The following B3GNT8 variants were observed in gnomAD, a reference collection of about 807,000 sequenced individuals.
The protein encoded by B3GNT8 is N-acetyllactosaminide beta-1,3-N-acetylglucosaminyltransferase 8.
For missense variants in B3GNT8, 502 were observed against 530.5 expected (o/e 0.95, Z 0.53); for synonymous variants, 258 against 238.3 (o/e 1.08, Z -0.76).
chr19:41,426,629 A>AGGGTTGGCTGGCGTGGGGCTTGGCGGG lies in B3GNT8; in HGVS notation c.123_149dup (p.Pro42_Pro50dup). 1 of 1,613,056 alleles carries AGGGTTGGCTGGCGTGGGGCTTGGCGGG rather than the reference A, an allele frequency of 6.2e-7. No homozygotes were observed. Among genetic ancestry groups the AGGGTTGGCTGGCGTGGGGCTTGGCGGG allele is most frequent in the Non-Finnish European group, 8.5e-7 (1 of 1,179,600 alleles). On this transcript the variant is annotated inframe_insertion, in exon 2 of 2. Transcript: ENST00000691102. The surrounding 1 kb of genome is among the most constrained non-coding windows in gnomAD (Gnocchi z 4.9). ...AGAGGTTGGCAGGTAGGGTGGGCTC[A>AGGGTTGGCTGGCGTGGGGCTTGGCGGG]GGGTTGGCTGGCGTGGGGCTTGGCG...
Position 41,426,225 on chromosome 19 carries a change from C to T in B3GNT8, c.554G>A (p.Gly185Glu), listed in dbSNP as rs149373630. ...AGGCCCCGCCTCACCCACCGGAGAC[C>T]CTAGCAGGAAGAGCAGCCGGATCCC... ...APGIRLLFLL[G>E]SPVGEAGPDL... The change falls in exon 2 of 2, where the codon GGG becomes GAG. Residue 185 changes from glycine to glutamate, a missense_variant. Physicochemically the swap from Gly to Glu is moderately conservative, Grantham distance 98. Coordinates refer to ENST00000691102, the MANE Select transcript of B3GNT8 (RefSeq NM_001385648.2). The surrounding 1 kb of genome is among the most constrained non-coding windows in gnomAD (Gnocchi z 4.9). 350 of 1,613,524 alleles carry T rather than the reference C, an allele frequency of 2.2e-4. No individual in the cohort carries two copies. Among genetic ancestry groups the T allele is most frequent in the Non-Finnish European group, 2.8e-4 (330 of 1,179,950 alleles).
chr19:41,425,985 G>A lies in B3GNT8; in HGVS notation c.794C>T (p.Pro265Leu). The A allele has an allele frequency of 6.2e-7, 1 of 1,612,310 alleles. No individual in the cohort carries two copies. Among genetic ancestry groups the A allele is most frequent in the Non-Finnish European group, 8.5e-7 (1 of 1,179,042 alleles). ...ALLAHLRALP[P>L]ASARSLYLGE... is the part of the protein sequence containing the mutation. ...CAGGTAGAGGCTTCGGGCCGAGGCAGGTGGCAGGGCCCGCAGGTGAGCCAG... is the reference window on the plus strand; with the variant it reads ...CAGGTAGAGGCTTCGGGCCGAGGCAAGTGGCAGGGCCCGCAGGTGAGCCAG... The change falls in exon 2 of 2, where the codon CCT becomes CTT. Residue 265 changes from proline (P) to leucine (L), a missense_variant. Coordinates refer to ENST00000691102, the MANE Select transcript of B3GNT8 (RefSeq NM_001385648.2).
At position 41,426,083 on chromosome 19, in the gene B3GNT8, C is replaced by T. The variant is rs765091345; in HGVS notation, c.696G>A (p.Leu232=). 6.2e-7 allele frequency: 1 copy of T among 1,613,586 alleles called. No individual in the cohort carries two copies. Among genetic ancestry groups the T allele is most frequent in the South Asian group, 1.1e-5 (1 of 91,088 alleles). The change falls in exon 2 of 2, where the codon CTG becomes CTA. Residue 232 remains leucine, a synonymous_variant. Transcript: ENST00000691102. This position sits in a 1 kb window ranked among gnomAD's most constrained non-coding sequence, Gnocchi z 4.9. ...TLKDLLLLAW[L]GRHCPTVSFV... is the part of the protein sequence containing the mutation. ...AACTCACGGTGGGGCAGTGGCGGCC[C>T]AGCCAGGCCAGCAGCAGCAGGTCTT...
In B3GNT8 at chr19:41,426,519, TC is replaced by T; in HGVS notation, c.259del (p.Asp87ThrfsTer81). On this transcript the variant is annotated frameshift_variant, in exon 2 of 2. Transcript: ENST00000691102. LOFTEE classifies it low-confidence loss of function (END_TRUNC). The surrounding 1 kb of genome is among the most constrained non-coding windows in gnomAD (Gnocchi z 4.9). ...QWRLGSLPSG[D>X]STETGGCQAW... The stretch of plus-strand genomic sequence containing the variant: ...CTGGCAGCCCCCCGTTTCAGTGCTG[TC>T]CCCACTGGGCAGGGACCCCAGCCGC... The T allele has an allele frequency of 6.3e-7, 1 of 1,590,034 alleles. No individual in the cohort carries two copies. The highest frequency in any genetic ancestry group is 8.6e-7 in the Non-Finnish European group (1 of 1,168,498).
Position 41,426,798 on chromosome 19 carries a change from G to A in B3GNT8, c.-20C>T, listed in dbSNP as rs1327340074. 3 of 1,606,644 alleles carry A rather than the reference G, an allele frequency of 1.9e-6. No individual in the cohort carries two copies. The highest frequency in any genetic ancestry group is 2.5e-6 in the Non-Finnish European group (3 of 1,179,110). Reference sequence around the variant, plus strand: ...GCGCATGACCCGGCCCAGGGAAGGGGCGGCCGCGGGAGCTACAAGGGAGCC... The same window carrying A: ...GCGCATGACCCGGCCCAGGGAAGGGACGGCCGCGGGAGCTACAAGGGAGCC... On this transcript the variant is annotated 5_prime_UTR_variant, in exon 2 of 2. Transcript: ENST00000691102. This position sits in a 1 kb window ranked among gnomAD's most constrained non-coding sequence, Gnocchi z 4.9.
Position 41,426,583 on chromosome 19 carries a change from T to C in B3GNT8, c.196A>G (p.Ile66Val), listed in dbSNP as rs2122159001. ...ANLSTRLGQT[I>V]PLPFAYWNQQ... ...TTCCAGTAAGCAAAGGGCAGCGGGA[T>C]AGTCTGGCCCAGGCGGGTGGAGAGG... Residue 66 changes from isoleucine to valine, a missense_variant, in exon 2 of 2, where the codon ATC (isoleucine) becomes GTC (valine). Ile to Val is a conservative substitution (Grantham distance 29). Coordinates refer to ENST00000691102, the MANE Select transcript of B3GNT8 (RefSeq NM_001385648.2). The surrounding 1 kb of genome is among the most constrained non-coding windows in gnomAD (Gnocchi z 4.9). The C allele has an allele frequency of 6.2e-7, 1 of 1,608,472 alleles. No individual in the cohort carries two copies. Among genetic ancestry groups the C allele is most frequent in the Non-Finnish European group, 8.5e-7 (1 of 1,177,422 alleles).
chr19:41,425,360 C>CA lies in B3GNT8; in HGVS notation c.*224dup. 1 of 347,126 alleles carries CA rather than the reference C, an allele frequency of 2.9e-6. No homozygotes were observed. Among genetic ancestry groups the CA allele is most frequent in the Non-Finnish European group, 5.2e-6 (1 of 192,552 alleles). 21.5% of individuals were successfully genotyped at this position (347,126 alleles called of 1,614,324 possible). ...CAGATGCAAAAACAACCCCAGGCCT[C>CA]AGAGTGGGGAGTGCATGTTTTTCAA... On this transcript the variant is annotated 3_prime_UTR_variant, in exon 2 of 2. Coordinates refer to ENST00000691102, the MANE Select transcript of B3GNT8 (RefSeq NM_001385648.2).
chr19:41,426,535 A>G lies in B3GNT8; in HGVS notation c.244T>C (p.Ser82Pro), dbSNP rs751511011. The G allele has an allele frequency of 6.3e-7, 1 of 1,576,656 alleles. No individual in the cohort carries two copies. Among genetic ancestry groups the G allele is most frequent in the Non-Finnish European group, 8.6e-7 (1 of 1,162,414 alleles). Residue 82 changes from serine to proline, a missense_variant, in exon 2 of 2, where the codon TCC (serine) becomes CCC (proline). By Grantham distance (74) the Ser-to-Pro change is moderately conservative. Transcript: ENST00000691102. The surrounding 1 kb of genome is among the most constrained non-coding windows in gnomAD (Gnocchi z 4.9). ...YWNQQQWRLGSLPSGDSTETG... is the reference protein window; with the variant it reads ...YWNQQQWRLGPLPSGDSTETG... ...TCAGTGCTGTCCCCACTGGGCAGGG[A>G]CCCCAGCCGCCACTGCTGCTGGTTC...
In B3GNT8 at chr19:41,425,656, C is replaced by T. The variant is rs1357017385; in HGVS notation, c.1123G>A (p.Val375Ile). ...DHCAFRNLLL[V>I]RPLGPQASIR... ...CTGGCCTGGGGGCCCAGGGGCCGTA[C>T]CAGCAGCAGGTTGCGGAAAGCACAG... Residue 375 changes from valine to isoleucine, a missense_variant, in exon 2 of 2, where the codon GTA (valine) becomes ATA (isoleucine). Coordinates refer to ENST00000691102, the MANE Select transcript of B3GNT8 (RefSeq NM_001385648.2). 2 of 1,521,994 alleles carry T rather than the reference C, an allele frequency of 1.3e-6. No homozygotes were observed. Among genetic ancestry groups the T allele is most frequent in the East Asian group, 2.3e-5 (1 of 44,018 alleles). The allele number at this position is 1,521,994 out of a possible 1,614,324, so 94.3% of individuals were successfully genotyped here. A position where few individuals can be genotyped will look rare whatever the true frequency, so the allele number is the denominator to read the frequency against.
At chr19:41,428,176 G>A (rs2039454263), upstream of B3GNT8, among the ~76,000 whole-genome samples, 1 of 152,046 alleles carries the variant, frequency 6.6e-6, no homozygotes. The surrounding 1 kb of genome is among the most constrained non-coding windows in gnomAD (Gnocchi z 6.1). Flanking sequence ...GGCAGAGGCG[G>A]AGAGGGAGCC....
Position 41,425,914 on chromosome 19 carries a change from G to A in B3GNT8, c.865C>T (p.Pro289Ser). 1 of 1,613,232 alleles carries A rather than the reference G, an allele frequency of 6.2e-7. No individual in the cohort carries two copies. The highest frequency in any genetic ancestry group is 8.5e-7 in the Non-Finnish European group (1 of 1,180,008). The change falls in exon 2 of 2, where the codon CCC becomes TCC. Residue 289 changes from proline (P) to serine (S), a missense_variant. Pro to Ser is a moderately conservative substitution (Grantham distance 74). Transcript: ENST00000691102. ...QAMPLRKPGG[P>S]FYVPESFFEG... ...AAGAAGGACTCGGGCACATAGAAGG[G>A]TCCTCCTGGCTTCCGGAGAGGCATG...
At position 41,426,806 on chromosome 19, in the gene B3GNT8, G is replaced by C; in HGVS notation, c.-28C>G. 3 of 1,603,214 alleles carry C rather than the reference G, an allele frequency of 1.9e-6. No individual in the cohort carries two copies. Among genetic ancestry groups the C allele is most frequent in the Non-Finnish European group, 2.5e-6 (3 of 1,178,112 alleles). ...CCCGGCCCAGGGAAGGGGCGGCCGCGGGAGCTACAAGGGAGCCACAGGGGA... is the reference window on the plus strand; with the variant it reads ...CCCGGCCCAGGGAAGGGGCGGCCGCCGGAGCTACAAGGGAGCCACAGGGGA... On this transcript the variant is annotated 5_prime_UTR_variant, in exon 2 of 2. Transcript: ENST00000691102. This position sits in a 1 kb window ranked among gnomAD's most constrained non-coding sequence, Gnocchi z 4.9.
rs142245951 is a variant in B3GNT8 at position 41,426,569 on chromosome 19, A to C, written c.210T>G (p.Phe70Leu). The change falls in exon 2 of 2, where the codon TTT (phenylalanine) becomes TTG (leucine). Residue 70 changes from phenylalanine to leucine, a missense_variant. Phe to Leu is a conservative substitution (Grantham distance 22). Coordinates refer to ENST00000691102, the MANE Select transcript of B3GNT8 (RefSeq NM_001385648.2). This position sits in a 1 kb window ranked among gnomAD's most constrained non-coding sequence, Gnocchi z 4.9. ...GCCACTGCTGCTGGTTCCAGTAAGCAAAGGGCAGCGGGATAGTCTGGCCCA... is the reference window on the plus strand; with the variant it reads ...GCCACTGCTGCTGGTTCCAGTAAGCCAAGGGCAGCGGGATAGTCTGGCCCA... ...TRLGQTIPLP[F>L]AYWNQQQWRL... 2,541 of 1,605,204 alleles carry C rather than the reference A, an allele frequency of 1.6e-3. 8 individuals carry two copies. Among genetic ancestry groups the C allele is most frequent in the Non-Finnish European group, 1.9e-3 (2,256 of 1,175,576 alleles).
rs1389201646 is a variant in B3GNT8, at chr19:41,426,483, GCCC to G, written c.293_295del (p.Gly98del). 6.3e-7 allele frequency: 1 copy of G among 1,588,332 alleles called. No individual in the cohort carries two copies. The highest frequency in any genetic ancestry group is 1.1e-5 in the South Asian group (1 of 89,034). Reference sequence around the variant, plus strand: ...GTCAGGGATCTCGGTGGCGGCGGCGGCCCCCCAAGCCTGGCAGCCCCCCGTTTC... The same window carrying G: ...GTCAGGGATCTCGGTGGCGGCGGCGGCCCAAGCCTGGCAGCCCCCCGTTTC... On this transcript the variant is annotated inframe_deletion, in exon 2 of 2. Coordinates refer to ENST00000691102, the MANE Select transcript of B3GNT8 (RefSeq NM_001385648.2). The surrounding 1 kb of genome is among the most constrained non-coding windows in gnomAD (Gnocchi z 4.9).
In B3GNT8 at chr19:41,426,882, C is replaced by G; in HGVS notation, c.-32-72G>C. On this transcript the variant is annotated intron_variant, in intron 1 of 1. Coordinates refer to ENST00000691102, the MANE Select transcript of B3GNT8 (RefSeq NM_001385648.2). This position sits in a 1 kb window ranked among gnomAD's most constrained non-coding sequence, Gnocchi z 4.9. Reference sequence around the variant, plus strand: ...GATGGGCCTCCAGAGAGGGCCCAGCCAGGCCCCAGGCAGACAGCTTCACAA... The same window carrying G: ...GATGGGCCTCCAGAGAGGGCCCAGCGAGGCCCCAGGCAGACAGCTTCACAA... The G allele has an allele frequency of 1.8e-6, 2 of 1,142,134 alleles. No individual in the cohort carries two copies. The highest frequency in any genetic ancestry group is 1.3e-5 in the South Asian group (1 of 76,470). 70.7% of individuals were successfully genotyped at this position (1,142,134 alleles called of 1,614,324 possible).
chr19:41,425,798 C>T lies in B3GNT8; in HGVS notation c.981G>A (p.Val327=). ...AGACGTCCTCAAAGGGGAAGGGTGC[C>T]ACACGGGCTGCCGCCCGCAGCAGCC... The part of the protein sequence containing the change: ...APWLLRAAAR[V]APFPFEDVYT... The change falls in exon 2 of 2, where the codon GTG becomes GTA. Residue 327 remains valine, a synonymous_variant. Coordinates refer to ENST00000691102, the MANE Select transcript of B3GNT8 (RefSeq NM_001385648.2). 4 of 1,612,744 alleles carry T rather than the reference C, an allele frequency of 2.5e-6. No homozygotes were observed. The highest frequency in any genetic ancestry group is 3.4e-6 in the Non-Finnish European group (4 of 1,179,824).
In B3GNT8 at chr19:41,427,058, C is replaced by T. The variant is rs115175314; in HGVS notation, c.-33+226G>A. Among the ~76,000 whole-genome samples, 2,827 of 152,254 alleles carry T rather than the reference C, an allele frequency of 0.019. 110 individuals carry two copies. Among genetic ancestry groups the T allele is most frequent in the African/African-American group, 0.065 (2,710 of 41,518 alleles). On this transcript the variant is annotated intron_variant, in intron 1 of 1. Transcript: ENST00000691102. This position sits in a 1 kb window ranked among gnomAD's most constrained non-coding sequence, Gnocchi z 5.6. ...TACCAGCACCCTGTTCTTCCCACTC[C>T]GTCCAAATGCTTCCACCTTCCTAAA...
upstream of B3GNT8, among the ~76,000 whole-genome samples, chr19:41,428,054 C>T (rs1247091644): frequency 6.7e-6 from 1 of 150,128 alleles, no homozygotes; most frequent in East Asian, 2.0e-4. This position sits in a 1 kb window ranked among gnomAD's most constrained non-coding sequence, Gnocchi z 6.1. Context: ...ATGGAGATGG[C>T]GAGAAAGATA....
At position 41,426,079 on chromosome 19, in the gene B3GNT8, G is replaced by A. The variant is rs758478385; in HGVS notation, c.700C>T (p.Arg234Cys). 2.2e-5 allele frequency: 35 copies of A among 1,613,374 alleles called. No individual in the cohort carries two copies. Among genetic ancestry groups the A allele is most frequent in the Non-Finnish European group, 2.7e-5 (32 of 1,179,990 alleles). Residue 234 changes from arginine (R) to cysteine (C), a missense_variant, in exon 2 of 2, where the codon CGC (arginine) becomes TGC (cysteine). Arg to Cys is a radical substitution (Grantham distance 180, BLOSUM62 -3). Transcript: ENST00000691102. The surrounding 1 kb of genome is among the most constrained non-coding windows in gnomAD (Gnocchi z 4.9). The part of the protein sequence containing the change: ...KDLLLLAWLG[R>C]HCPTVSFVLR... ...ACAAAACTCACGGTGGGGCAGTGGC[G>A]GCCCAGCCAGGCCAGCAGCAGCAGG...
Sources: gnomAD v4.1 joint callset for allele counts (sites outside exome capture counted in the v4.1 genomes callset) on GRCh38, gnomAD v4.1.1 for gene constraint, Gnocchi (gnomAD v3.1) non-coding constraint, MANE v1.5 for transcripts, NCBI Gene and HGNC (gene_info 2026-07-23, HGNC 2026-07-21) for gene names.